The following TMEM116 variants were observed in gnomAD, a reference collection of about 807,000 sequenced individuals.
TMEM116 encodes transmembrane protein 116.
A neutral mutation model predicts 44.3 loss-of-function variants in TMEM116; 38 were observed. The observed-to-expected ratio is 0.86, with a 90% confidence interval of 0.66 to 1.12. TMEM116 has a LOEUF of 1.12. Ranked by LOEUF, TMEM116 falls within the 50% of genes most tolerant of loss-of-function variation. TMEM116 has a pLI of 0.00. For synonymous variants in TMEM116, 132 were observed against 144.8 expected, an observed-to-expected ratio of 0.91 and a Z score of 0.64; for missense variants, 354 against 401.7, an observed-to-expected ratio of 0.88 and a Z score of 1.01.
chr12:111,965,409 T>C (rs1409699047), intron 4 of TMEM116, among the ~76,000 whole-genome samples: 1 of 152,216 alleles, frequency 6.6e-6, no homozygotes, highest in Non-Finnish European at 1.5e-5. Flanking sequence ...AGAGTACATA[T>C]TTCTGTCTTG....
At chr12:112,002,393 C>CAAA (rs1160168400) in intron 3 of TMEM116, among the ~76,000 whole-genome samples, 1 of 66,902 alleles carries the variant, frequency 1.5e-5, no homozygotes, top group African/African-American at 5.4e-5. Context: ...AACTCTGTCT[C>CAAA]AAAAAAAAAA....
In TMEM116 at chr12:111,943,347, AGAAATGAG is replaced by A. The variant is rs1372871793; in HGVS notation, c.225_232del (p.Ser76LeufsTer61). ...ATACCAGATGTAATTGACGGTGTAG[AGAAATGAG>A]GAAATGTAGAATATCTAGGTTAAAA... On this transcript the variant is annotated frameshift_variant, in exon 5 of 11. Transcript: ENST00000552374. LOFTEE classifies it high-confidence loss of function. The A allele has an allele frequency of 4.3e-6, 7 of 1,613,660 alleles. No individual in the cohort carries two copies. Among genetic ancestry groups the A allele is most frequent in the Non-Finnish European group, 5.9e-6 (7 of 1,179,668 alleles).
chr12:111,940,128 C>A (rs1176672570), intron 5 of TMEM116, among the ~76,000 whole-genome samples: 1 of 151,618 alleles, frequency 6.6e-6, no homozygotes, highest in East Asian at 1.9e-4. Context: ...CAAAAATTAG[C>A]CGGGTGTGGT....
intron 4 of TMEM116, among the ~76,000 whole-genome samples, chr12:111,954,515 C>G (rs577656733): frequency 5.3e-5 from 8 of 152,302 alleles, no homozygotes; most frequent in Admixed American, 3.3e-4. Context: ...TTCTTCTTCA[C>G]AACAACTCTT....
chr12:111,982,953 C>A (rs2076025404), intron 4 of TMEM116, among the ~76,000 whole-genome samples: 1 of 152,100 alleles, frequency 6.6e-6, no homozygotes, highest in Non-Finnish European at 1.5e-5. Context: ...TGGAAAGATA[C>A]TTCAGTGACT....
chr12:111,941,632 T>A (rs978034831), intron 5 of TMEM116, among the ~76,000 whole-genome samples: 6 of 152,194 alleles, frequency 3.9e-5, no homozygotes, highest in African/African-American at 1.4e-4. Flanking sequence ...TTGAAAAAAG[T>A]TGAACAGCTC....
intron 4 of TMEM116, among the ~76,000 whole-genome samples, chr12:111,979,006 TAACTC>T (rs1476810910): frequency 9.9e-5 from 15 of 152,162 alleles, no homozygotes; most frequent in Admixed American, 4.6e-4. Flanking sequence ...TCACAAAACT[TAACTC>T]AAGATGGATC....
intron 4 of TMEM116, among the ~76,000 whole-genome samples, chr12:111,950,162 C>A (rs1184550671): frequency 2.0e-5 from 3 of 151,824 alleles, no homozygotes; most frequent in Non-Finnish European, 4.4e-5. Flanking sequence ...ACCAAAAAAA[C>A]CTTAAACTAA....
intron 4 of TMEM116, among the ~76,000 whole-genome samples, chr12:111,960,334 C>CA (rs940672143): frequency 1.2e-4 from 18 of 150,376 alleles, no homozygotes; most frequent in South Asian, 6.3e-4. Context: ...ACTAAAAATA[C>CA]AAAAAAAATT....
chr12:111,977,452 C>T (rs998003691), intron 4 of TMEM116, among the ~76,000 whole-genome samples: 3 of 152,066 alleles, frequency 2.0e-5, no homozygotes, highest in Non-Finnish European at 2.9e-5. Flanking sequence ...CACTTTAAAA[C>T]GGTTAGTTTT....
At chr12:111,985,514 CA>C (rs2076177176) in intron 4 of TMEM116, among the ~76,000 whole-genome samples, 1 of 152,136 alleles carries the variant, frequency 6.6e-6, no homozygotes, top group East Asian at 1.9e-4. Flanking sequence ...AAGTATAAAA[CA>C]TTGCTAAAAG....
Position 111,969,927 on chromosome 12 carries a change from T to C in TMEM116, c.210+21831A>G, listed in dbSNP as rs574054354. Among the ~76,000 whole-genome samples, 19 of 152,156 alleles carry C rather than the reference T, an allele frequency of 1.2e-4. No homozygotes were observed. In the South Asian group the frequency reaches 3.1e-3, roughly 25 times the overall value. ...AATGAGATTAAGGACAGATAAGACA[T>C]TGCAGAAGAAAAATTAATGAACTTC... On this transcript the variant is annotated intron_variant, in intron 4 of 10. Transcript: ENST00000552374.
At chr12:111,975,441 C>T (rs1593483602) in intron 4 of TMEM116, among the ~76,000 whole-genome samples, 2 of 152,154 alleles carry the variant, frequency 1.3e-5, no homozygotes, top group Non-Finnish European at 2.9e-5. Context: ...CAGGCATGAG[C>T]CACAGCCCCT....
chr12:111,995,894 G>C (rs1039614364), intron 3 of TMEM116, among the ~76,000 whole-genome samples: 6 of 151,746 alleles, frequency 4.0e-5, no homozygotes, highest in Non-Finnish European at 7.4e-5. Context: ...AAAAAAATTA[G>C]CTGGGCATGG....
chr12:111,966,543 T>C (rs550483875), intron 4 of TMEM116, among the ~76,000 whole-genome samples: 2 of 152,282 alleles, frequency 1.3e-5, no homozygotes, highest in East Asian at 3.9e-4. Context: ...AGTTTCAGGA[T>C]TTGGAACTAC....
At chr12:111,939,340 C>A (rs2072457986) in intron 5 of TMEM116, among the ~76,000 whole-genome samples, 1 of 151,590 alleles carries the variant, frequency 6.6e-6, no homozygotes, top group Non-Finnish European at 1.5e-5. Context: ...GTAGTCCCAG[C>A]TACTCAGGAG....
At chr12:111,996,321 G>T (rs938013682) in intron 3 of TMEM116, among the ~76,000 whole-genome samples, 2 of 151,836 alleles carry the variant, frequency 1.3e-5, no homozygotes, top group African/African-American at 4.8e-5. Flanking sequence ...ACTGACAAAG[G>T]ATCCAAACTG....
chr12:111,953,259 G>A (rs1157176251), intron 4 of TMEM116, among the ~76,000 whole-genome samples: 1 of 152,066 alleles, frequency 6.6e-6, no homozygotes, highest in East Asian at 1.9e-4. Context: ...CTAACTCCTA[G>A]TCACCAATGA....
chr12:111,959,967 C>T (rs2074453297), intron 4 of TMEM116, among the ~76,000 whole-genome samples: 1 of 152,166 alleles, frequency 6.6e-6, no homozygotes, highest in African/African-American at 2.4e-5. Context: ...CAAGGATATT[C>T]AGGACTTGAA....
Sources: allele counts gnomAD v4.1 joint callset (sites outside exome capture counted in the v4.1 genomes callset), GRCh38; gene constraint gnomAD v4.1.1; transcripts MANE v1.5; gene names NCBI Gene and HGNC (gene_info 2026-07-23, HGNC 2026-07-21).